Variants in ATP2B2 observed in about 807,000 individuals in gnomAD.
ATP2B2 encodes plasma membrane calcium-transporting ATPase 2.
Under a neutral mutation model 120.0 loss-of-function variants are expected in ATP2B2, and 15 were observed. The ratio of observed to expected loss-of-function variants is 0.12; its 90% confidence interval spans 0.08 to 0.19. The LOEUF (loss-of-function observed/expected upper bound fraction) is 0.19, where lower values mean the gene tolerates loss of function less well. Among genes scored for constraint, ATP2B2 ranks in the 10% least tolerant of loss-of-function variants. The probability of loss-of-function intolerance (pLI) is 1.00; values close to 1 mark genes in which losing one functional copy is unlikely to be tolerated. For synonymous variants in ATP2B2, 694 were observed against 700.3 expected (o/e 0.99, Z 0.14); for missense variants, 1,045 against 1,719.8 (o/e 0.61, Z 6.94).
chr3:10,673,281 C>T (rs1023529390), intron 1 of ATP2B2, among the ~76,000 whole-genome samples: 2 of 152,136 alleles, frequency 1.3e-5, no homozygotes, highest in African/African-American at 4.8e-5. Context: ...CAAATTCAGG[C>T]CAGCTCCCAG....
intron 1 of ATP2B2, among the ~76,000 whole-genome samples, chr3:10,637,708 G>A (rs1232014856): frequency 6.6e-6 from 1 of 152,150 alleles, no homozygotes; most frequent in East Asian, 1.9e-4. Flanking sequence ...AGAGAAAGGA[G>A]AGGCAGTGCA....
At chr3:10,676,314 C>T (rs1180738304) in intron 1 of ATP2B2, among the ~76,000 whole-genome samples, 2 of 152,166 alleles carry the variant, frequency 1.3e-5, no homozygotes, top group Non-Finnish European at 2.9e-5. Flanking sequence ...TTTCTCCTGA[C>T]AGGGATGGGG....
intron 1 of ATP2B2, among the ~76,000 whole-genome samples, chr3:10,687,190 T>C (rs1037025927): frequency 2.0e-5 from 3 of 152,216 alleles, no homozygotes; most frequent in African/African-American, 7.2e-5. Context: ...ACTTGCTGCC[T>C]TGGGTAGCCA....
intron 1 of ATP2B2, among the ~76,000 whole-genome samples, chr3:10,480,881 A>G (rs532888362): frequency 6.6e-6 from 1 of 152,362 alleles, no homozygotes; most frequent in South Asian, 2.1e-4. Flanking sequence ...CTTCCAGTAC[A>G]TGCAGAGCTA....
At position 10,615,754 on chromosome 3, in the gene ATP2B2, T is replaced by C. The variant is rs568090149; in HGVS notation, c.-415+4163A>G. ...GTTGATGCTAAGAAAAATTATTTTT[T>C]ATATTCAGATTTTAATGTCCAGAAG... is the stretch of plus-strand genomic sequence containing the variant. On this transcript the variant is annotated intron_variant, in intron 2 of 21. Transcript: ENST00000646379. 7.2e-5 allele frequency among the ~76,000 whole-genome samples: 11 copies of C among 152,168 alleles called. No individual in the cohort carries two copies. The South Asian group carries it at 2.1e-3, about 29-fold the overall frequency.
At chr3:10,533,306 A>G (rs1224920883) in intron 3 of ATP2B2, among the ~76,000 whole-genome samples, 1 of 152,200 alleles carries the variant, frequency 6.6e-6, no homozygotes, top group Non-Finnish European at 1.5e-5. Flanking sequence ...CCATTTAACT[A>G]ACATGCATCA....
chr3:10,568,663 G>A (rs2068060617), intron 2 of ATP2B2, among the ~76,000 whole-genome samples: 1 of 152,202 alleles, frequency 6.6e-6, no homozygotes, highest in South Asian at 2.1e-4. Flanking sequence ...TGTTCAGTTT[G>A]GGAATCGTGT....
chr3:10,670,410 G>A (rs1220982046), intron 1 of ATP2B2, among the ~76,000 whole-genome samples: 2 of 152,012 alleles, frequency 1.3e-5, no homozygotes, highest in Non-Finnish European at 2.9e-5. Context: ...TCCTGATATT[G>A]GGTTTTTTGT....
intron 12 of ATP2B2, among the ~76,000 whole-genome samples, chr3:10,369,032 G>A (rs2061150763): frequency 6.6e-6 from 1 of 152,200 alleles, no homozygotes. Context: ...CAGAGGAACT[G>A]GCCTCCTTGT....
chr3:10,690,003 A>G (rs1330626589), intron 1 of ATP2B2, among the ~76,000 whole-genome samples: 1 of 152,216 alleles, frequency 6.6e-6, no homozygotes, highest in Non-Finnish European at 1.5e-5. Context: ...GTGCCTGCCA[A>G]TCCACTGCCA....
chr3:10,544,627 G>A (rs1259715833), intron 2 of ATP2B2, among the ~76,000 whole-genome samples: 1 of 151,792 alleles, frequency 6.6e-6, no homozygotes, highest in African/African-American at 2.4e-5. Context: ...AGAGGTGTGT[G>A]GATCAGGCTC....
chr3:10,440,919 T>C (rs1223262965), intron 2 of ATP2B2, among the ~76,000 whole-genome samples: 1 of 152,222 alleles, frequency 6.6e-6, no homozygotes, highest in Admixed American at 6.5e-5. Flanking sequence ...GATGTGAAGA[T>C]TATAGGAGAA....
chr3:10,461,204 A>G (rs1464078398), intron 1 of ATP2B2, among the ~76,000 whole-genome samples: 3 of 152,144 alleles, frequency 2.0e-5, no homozygotes, highest in Admixed American at 6.5e-5. Context: ...TTTAGCTTCT[A>G]TTTCTCACTA....
In ATP2B2 at chr3:10,338,801, A is replaced by G. The variant is rs1332353636; in HGVS notation, c.3238-443T>C. ...AGAACTGGGCACGGTGGAGGGTCTA[A>G]CTCGTCCTGCATGAGCCTGGCCCGT... On this transcript the variant is annotated intron_variant, in intron 21 of 22. Coordinates refer to ENST00000360273, the MANE Select transcript of ATP2B2 (RefSeq NM_001001331.4). 2.0e-5 allele frequency: 5 copies of G among 251,608 alleles called. No individual in the cohort carries two copies. The East Asian group carries it at 4.6e-4, about 23-fold the overall frequency. 15.6% of individuals were successfully genotyped at this position (251,608 alleles called of 1,614,324 possible). A position where few individuals can be genotyped will look rare whatever the true frequency, so the allele number is the denominator to read the frequency against.
At chr3:10,356,964 TGAGAGAGAGAGAGA>T (rs4040764) in intron 14 of ATP2B2, among the ~76,000 whole-genome samples, 8 of 144,458 alleles carry the variant, frequency 5.5e-5, no homozygotes, top group African/African-American at 1.8e-4. Context: ...TGTGTGTGTA[TGAGAGAGAGAGAGA>T]GAGAGAGAGA....
Position 10,375,423 on chromosome 3 carries a change from C to T in ATP2B2, c.1416+7G>A, listed in dbSNP as rs887397143. On this transcript the variant is annotated splice_region_variant and intron_variant, in intron 11 of 22. Transcript: ENST00000360273. This position sits in a 1 kb window ranked among gnomAD's most constrained non-coding sequence, Gnocchi z 4.2. The stretch of plus-strand genomic sequence containing the variant: ...AGCCGGCTGGTCCTGCTCTCCTCCC[C>T]TCTCACCTTCACCGAATAGGCCAAC... The T allele has an allele frequency of 1.9e-6, 3 of 1,609,488 alleles. No individual in the cohort carries two copies. The highest frequency in any genetic ancestry group is 1.1e-5 in the South Asian group (1 of 90,960).
At chr3:10,368,926 C>T (rs1012624717) in intron 12 of ATP2B2, among the ~76,000 whole-genome samples, 1 of 152,236 alleles carries the variant, frequency 6.6e-6, no homozygotes, top group Non-Finnish European at 1.5e-5. Context: ...ATCCACCCAG[C>T]ACTTCCCAAA....
At position 10,346,848 on chromosome 3, in the gene ATP2B2, G is replaced by A. The variant is rs543394788; in HGVS notation, c.2405-711C>T. Reference sequence around the variant, plus strand: ...AGGAATTTGGGTATCAGCATCCATGGGTCTCTCATTCTGCACATTGAATGT... The same window carrying A: ...AGGAATTTGGGTATCAGCATCCATGAGTCTCTCATTCTGCACATTGAATGT... On this transcript the variant is annotated intron_variant, in intron 16 of 22. Coordinates refer to ENST00000360273, the MANE Select transcript of ATP2B2 (RefSeq NM_001001331.4). The surrounding 1 kb of genome is among the most constrained non-coding windows in gnomAD (Gnocchi z 4.1). 6.6e-6 allele frequency among the ~76,000 whole-genome samples: 1 copy of A among 152,116 alleles called. No homozygotes were observed. Among genetic ancestry groups the A allele is most frequent in the African/African-American group, 2.4e-5 (1 of 41,476 alleles).
At chr3:10,648,787 T>A (rs1156821800) in intron 1 of ATP2B2, among the ~76,000 whole-genome samples, 2 of 152,194 alleles carry the variant, frequency 1.3e-5, no homozygotes, top group African/African-American at 4.8e-5. Flanking sequence ...CAGTTTTCCA[T>A]CTCTGGTCTT....
Sources: gnomAD v4.1 joint callset for allele counts (sites outside exome capture counted in the v4.1 genomes callset) on GRCh38, gnomAD v4.1.1 for gene constraint, Gnocchi (gnomAD v3.1) non-coding constraint, MANE v1.5 for transcripts, NCBI Gene and HGNC (gene_info 2026-07-23, HGNC 2026-07-21) for gene names.